Variants in ROBO1 observed in about 807,000 individuals in gnomAD.
ROBO1 encodes roundabout homolog 1.
In ROBO1, 149 loss-of-function variants were observed where a neutral mutation model predicts 195.9. The ratio of observed to expected loss-of-function variants is 0.76; its 90% confidence interval spans 0.67 to 0.87. The LOEUF (loss-of-function observed/expected upper bound fraction) is 0.87, where lower values mean the gene tolerates loss of function less well. Among genes scored for constraint, ROBO1 ranks in the 40% least tolerant of loss-of-function variants. The pLI is 0.00. For missense variants in ROBO1, 1,933 were observed against 2,068.3 expected (o/e 0.93, Z 1.27); for synonymous variants, 816 against 733.2 (o/e 1.11, Z -1.82).
Position 78,884,469 on chromosome 3 carries a change from T to A in ROBO1, c.499+54132A>T, listed in dbSNP as rs533488952. On this transcript the variant is annotated intron_variant, in intron 4 of 30. Coordinates refer to ENST00000464233, the MANE Select transcript of ROBO1 (RefSeq NM_002941.4). ...CTCTGCAAAAAAAATTCTTTAAAAATCAGCGAGGCATGGTGGCACACATCT... is the reference window on the plus strand; with the variant it reads ...CTCTGCAAAAAAAATTCTTTAAAAAACAGCGAGGCATGGTGGCACACATCT... Among the ~76,000 whole-genome samples the A allele has an allele frequency of 2.0e-5, 3 of 151,092 alleles. 1 individual carries two copies. The highest frequency in any genetic ancestry group is 7.3e-5 in the African/African-American group (3 of 41,062).
chr3:78,995,352 T>C (rs2077337504), intron 3 of ROBO1, among the ~76,000 whole-genome samples: 1 of 152,068 alleles, frequency 6.6e-6, no homozygotes, highest in Non-Finnish European at 1.5e-5. Flanking sequence ...GGGTGGTTAA[T>C]GACGCCAGCA....
At chr3:79,115,449 A>G (rs1313970400) in intron 3 of ROBO1, among the ~76,000 whole-genome samples, 2 of 152,150 alleles carry the variant, frequency 1.3e-5, no homozygotes, top group South Asian at 2.1e-4. Flanking sequence ...ACAATCAGTA[A>G]TAGTTACTTG....
At chr3:79,046,396 G>A (rs2078592845) in intron 3 of ROBO1, among the ~76,000 whole-genome samples, 1 of 152,016 alleles carries the variant, frequency 6.6e-6, no homozygotes, top group African/African-American at 2.4e-5. Flanking sequence ...GGAGTTAAAG[G>A]CACCCAGCTA....
At chr3:78,962,895 G>A (rs1452025635) in intron 3 of ROBO1, among the ~76,000 whole-genome samples, 1 of 148,376 alleles carries the variant, frequency 6.7e-6, no homozygotes, top group Non-Finnish European at 1.5e-5. Context: ...AGTACAAGAC[G>A]AGTGAAGTAA....
chr3:78,650,153 C>T (rs984332676), intron 19 of ROBO1, among the ~76,000 whole-genome samples: 2 of 152,102 alleles, frequency 1.3e-5, no homozygotes, highest in African/African-American at 2.4e-5. Context: ...CACACAAAGA[C>T]ACCCAAAACC....
chr3:79,190,119 T>C (rs2081510974), intron 2 of ROBO1, among the ~76,000 whole-genome samples: 1 of 151,708 alleles, frequency 6.6e-6, no homozygotes, highest in African/African-American at 2.4e-5. Flanking sequence ...TAATGTATCC[T>C]ATCACACTAC....
chr3:79,624,097 A>G (rs1194651343), intron 1 of ROBO1, among the ~76,000 whole-genome samples: 1 of 152,176 alleles, frequency 6.6e-6, no homozygotes, highest in African/African-American at 2.4e-5. Context: ...CAGCCAAACT[A>G]AGCTTGATAA....
At chr3:79,154,417 A>G (rs897407531) in intron 2 of ROBO1, among the ~76,000 whole-genome samples, 2 of 151,776 alleles carry the variant, frequency 1.3e-5, no homozygotes, top group South Asian at 2.1e-4. Context: ...CATCTTTGCA[A>G]TGAAGTTTTT....
chr3:78,672,398 G>A (rs1708115548), intron 10 of ROBO1, among the ~76,000 whole-genome samples: 1 of 151,836 alleles, frequency 6.6e-6, no homozygotes, highest in South Asian at 2.1e-4. Flanking sequence ...GGGTAACATG[G>A]CAAAACCCCA....
intron 2 of ROBO1, among the ~76,000 whole-genome samples, chr3:79,519,871 C>A (rs1941131765): frequency 6.6e-6 from 1 of 151,870 alleles, no homozygotes; most frequent in Admixed American, 6.6e-5. Flanking sequence ...AATTAAGAGA[C>A]CTTGCAGCTG....
intron 2 of ROBO1, among the ~76,000 whole-genome samples, chr3:79,585,072 G>A (rs528933564): frequency 3.6e-4 from 53 of 148,154 alleles, no homozygotes; most frequent in South Asian, 6.2e-4. Flanking sequence ...ATTGTTTTTA[G>A]CATCACATTT....
intron 1 of ROBO1, among the ~76,000 whole-genome samples, chr3:79,720,855 C>T (rs1055925747): frequency 1.1e-4 from 16 of 148,984 alleles, no homozygotes; most frequent in African/African-American, 3.7e-4. Flanking sequence ...TGCAGTGGTG[C>T]GATCTCGGCT....
rs555102823 is a variant in ROBO1 at position 78,615,641 on chromosome 3, A to G, written c.4283-841T>C. Among the ~76,000 whole-genome samples, 36 of 152,208 alleles carry G rather than the reference A, an allele frequency of 2.4e-4. No individual in the cohort carries two copies. The East Asian group carries it at 4.6e-3, about 20-fold the overall frequency. Reference sequence around the variant, plus strand: ...TATATTGGTCCTATGTTTGACTTTCACTGTTTTGGTTTCTAGAAATTCTAG... The same window carrying G: ...TATATTGGTCCTATGTTTGACTTTCGCTGTTTTGGTTTCTAGAAATTCTAG... On this transcript the variant is annotated intron_variant, in intron 27 of 30. Coordinates refer to ENST00000464233, the MANE Select transcript of ROBO1 (RefSeq NM_002941.4).
At chr3:79,070,156 A>G (rs1443332454) in intron 3 of ROBO1, among the ~76,000 whole-genome samples, 6 of 151,848 alleles carry the variant, frequency 4.0e-5, no homozygotes. Flanking sequence ...AGAATCTTTG[A>G]ATGTCTTAAC....
intron 4 of ROBO1, among the ~76,000 whole-genome samples, chr3:78,831,889 CACAGG>C (rs1300620808): frequency 6.6e-6 from 1 of 152,144 alleles, no homozygotes; most frequent in East Asian, 1.9e-4. Flanking sequence ...ACAAGAACAG[CACAGG>C]AAAGACCCGT....
intron 1 of ROBO1, among the ~76,000 whole-genome samples, chr3:79,605,675 C>T (rs965271379): frequency 7.2e-5 from 11 of 152,018 alleles, no homozygotes; most frequent in African/African-American, 1.9e-4. Flanking sequence ...ACTTAAGCAT[C>T]GCCATCCTCC....
intron 1 of ROBO1, among the ~76,000 whole-genome samples, chr3:79,615,194 C>T (rs1433167877): frequency 6.6e-6 from 1 of 152,116 alleles, no homozygotes; most frequent in African/African-American, 2.4e-5. Flanking sequence ...TACCTGAAGG[C>T]TTCTTCAGCA....
intron 3 of ROBO1, chr3:79,018,329 CT>C: frequency 6.4e-7 from 1 of 1,566,906 alleles, no homozygotes; most frequent in Non-Finnish European, 8.8e-7. Context: ...CCAAAATACA[CT>C]TCTGGGTTTG....
chr3:79,709,344 T>C (rs1333137523), intron 1 of ROBO1, among the ~76,000 whole-genome samples: 2 of 152,142 alleles, frequency 1.3e-5, no homozygotes, highest in East Asian at 3.9e-4. Flanking sequence ...AATATGTAAT[T>C]ATTATGTTTC....
Sources: gnomAD v4.1 joint callset for allele counts (sites outside exome capture counted in the v4.1 genomes callset) on GRCh38, gnomAD v4.1.1 for gene constraint, MANE v1.5 for transcripts, NCBI Gene and HGNC (gene_info 2026-07-23, HGNC 2026-07-21) for gene names.